BANP: variants seen among roughly 807,000 people sequenced by gnomAD.
BANP encodes BTG3 associated nuclear protein.
Under a neutral mutation model 68.1 loss-of-function variants are expected in BANP, and 11 were observed. The ratio of observed to expected loss-of-function variants is 0.16; its 90% CI spans 0.10 to 0.27. The LOEUF (loss-of-function observed/expected upper bound fraction) is 0.27, where lower values mean the gene tolerates loss of function less well. Ranked by LOEUF, BANP falls within the 10% of genes least tolerant of loss-of-function variation. BANP has a pLI of 1.00. For synonymous variants in BANP, 329 were observed against 303.2 expected (o/e 1.09, Z -0.88); for missense variants, 504 against 722.7 (o/e 0.70, Z 3.47).
At chr16:88,048,228 T>C (rs1203566794) in intron 11 of BANP, among the ~76,000 whole-genome samples, 8 of 152,258 alleles carry the variant, frequency 5.3e-5, no homozygotes, top group Non-Finnish European at 1.0e-4. Flanking sequence ...ATTAATTTGA[T>C]GTGATTGAAG....
chr16:87,995,620 G>T (rs2066976283), intron 4 of BANP, among the ~76,000 whole-genome samples: 1 of 152,236 alleles, frequency 6.6e-6, no homozygotes, highest in Non-Finnish European at 1.5e-5. Flanking sequence ...ATGCCTACCT[G>T]GCGGCAGAGT....
At chr16:88,042,871 T>C (rs9938277) in intron 11 of BANP, among the ~76,000 whole-genome samples, 72,211 of 152,136 alleles carry the variant, frequency 0.47, 20,197 homozygotes, top group Non-Finnish European at 0.65. Flanking sequence ...GAGCCGTGAT[T>C]GTGCCACTGC....
chr16:88,006,779 C>G (rs187696821), intron 6 of BANP, among the ~76,000 whole-genome samples: 1 of 151,016 alleles, frequency 6.6e-6, no homozygotes. Context: ...TGGTGAAACC[C>G]CATCTCTACT....
chr16:88,044,784 C>G (rs2081587803), intron 11 of BANP, among the ~76,000 whole-genome samples: 1 of 152,148 alleles, frequency 6.6e-6, no homozygotes, highest in African/African-American at 2.4e-5. Context: ...GAGATCGAGA[C>G]CATGCTGGCT....
At position 88,072,348 on chromosome 16, in the gene BANP, T is replaced by C. The variant is rs2090561984; in HGVS notation, c.1521+136T>C. The C allele has an allele frequency of 1.3e-5, 13 of 1,033,942 alleles. No homozygotes were observed. In the South Asian group the frequency reaches 2.2e-4, roughly 17 times the overall value. The allele number at this position is 1,033,942 out of a possible 1,614,324, so 64.0% of individuals were successfully genotyped here. On this transcript the variant is annotated intron_variant, in intron 13 of 13. Transcript: ENST00000682872. ...GCACGTGATTGGACACAGATGCCCA[T>C]CTGAGGGTTCTACGTCTCACACTCA... is the stretch of plus-strand genomic sequence containing the variant.
chr16:87,993,743 C>T (rs1042645060), intron 4 of BANP, among the ~76,000 whole-genome samples: 3 of 152,032 alleles, frequency 2.0e-5, no homozygotes, highest in Admixed American at 6.6e-5. Flanking sequence ...AATTACAGGC[C>T]GTGCCACCAC....
chr16:88,031,001 C>G lies in BANP; in HGVS notation c.1064-2108C>G, dbSNP rs8059440. ...CTGGTTTTGTAGGTGCTAAGAGGGT[C>G]AGTGGAGGAACAGCAGCTCCGCGGA... is the stretch of plus-strand genomic sequence containing the variant. On this transcript the variant is annotated intron_variant, in intron 8 of 13. Transcript: ENST00000682872. Among the ~76,000 whole-genome samples the G allele has an allele frequency of 6.9e-3, 1,054 of 152,332 alleles. 11 individuals are homozygous for G. Among genetic ancestry groups the G allele is most frequent in the African/African-American group, 0.024 (987 of 41,564 alleles).
chr16:88,010,421 A>G (rs2072714701), intron 6 of BANP, among the ~76,000 whole-genome samples: 1 of 152,238 alleles, frequency 6.6e-6, no homozygotes, highest in African/African-American at 2.4e-5. Flanking sequence ...AGGCAGTAGA[A>G]TGACTTACGT....
intron 11 of BANP, among the ~76,000 whole-genome samples, chr16:88,046,370 C>T (rs1338045179): frequency 6.6e-6 from 1 of 152,164 alleles, no homozygotes; most frequent in Non-Finnish European, 1.5e-5. Flanking sequence ...AACCTCATCG[C>T]TGTAAAGCAA....
chr16:88,021,749 TTA>T (rs2076069803), intron 7 of BANP, among the ~76,000 whole-genome samples: 1 of 152,208 alleles, frequency 6.6e-6, no homozygotes, highest in Admixed American at 6.5e-5. Flanking sequence ...TTGCCCCACC[TTA>T]CTCTCTGCTG....
rs1567772626 is a variant in BANP at position 88,019,593 on chromosome 16, TGCGGGATCTCAGCGTGC to T, written c.895+928_895+944del. Among the ~76,000 whole-genome samples the T allele has an allele frequency of 7.8e-3, 115 of 14,760 alleles. 1 individual carries two copies. The highest frequency in any genetic ancestry group is 9.6e-3 in the South Asian group (2 of 208). 9.7% of individuals were successfully genotyped at this position (14,760 alleles called of 152,430 possible). On this transcript the variant is annotated intron_variant, in intron 7 of 13. Transcript: ENST00000682872. ...GGGCGGGGCGTCCGGGATCTCGGCG[TGCGGGATCTCAGCGTGC>T]GGGGGGCGTCCGGGCGTGCGGGATC...
At chr16:88,045,900 C>T (rs1222055639) in intron 11 of BANP, among the ~76,000 whole-genome samples, 1 of 152,242 alleles carries the variant, frequency 6.6e-6, no homozygotes, top group Non-Finnish European at 1.5e-5. Context: ...GCCCTCTTCA[C>T]TGCAGTGGGG....
chr16:88,020,774 C>G (rs374961369), intron 7 of BANP, among the ~76,000 whole-genome samples: 1 of 152,306 alleles, frequency 6.6e-6, no homozygotes, highest in South Asian at 2.1e-4. Flanking sequence ...GGCCGGCTGG[C>G]TCTGCCTTGG....
chr16:87,967,120 C>T (rs11117322), intron 1 of BANP, among the ~76,000 whole-genome samples: 100,166 of 152,104 alleles, frequency 0.66, 33,577 homozygotes, highest in African/African-American at 0.75. Flanking sequence ...CCCGCACCCA[C>T]AGCTGTCGTG....
intron 1 of BANP, among the ~76,000 whole-genome samples, chr16:87,954,731 T>C (rs1380825817): frequency 1.3e-5 from 2 of 152,256 alleles, no homozygotes; most frequent in African/African-American, 2.4e-5. Context: ...GTGCTTTCCC[T>C]CTGCCCTGAT....
At chr16:88,075,768 A>T (rs1420998315) in intron 13 of BANP, among the ~76,000 whole-genome samples, 15 of 123,654 alleles carry the variant, frequency 1.2e-4, no homozygotes, top group Non-Finnish European at 1.3e-4. Context: ...TTTTTTTGAG[A>T]TGGAGTCTGG....
At chr16:88,051,737 T>C (rs2152827291) in intron 11 of BANP, among the ~76,000 whole-genome samples, 1 of 152,378 alleles carries the variant, frequency 6.6e-6, no homozygotes, top group South Asian at 2.1e-4. Flanking sequence ...TTATTAACTG[T>C]GTGCTTTGTT....
intron 2 of BANP, among the ~76,000 whole-genome samples, chr16:87,977,234 G>A (rs1216230998): frequency 1.2e-4 from 18 of 152,144 alleles, no homozygotes; most frequent in Non-Finnish European, 2.6e-4. Context: ...CAAACACGGT[G>A]AAGTCTCTAC....
intron 7 of BANP, among the ~76,000 whole-genome samples, chr16:88,019,817 TG>T (rs2075638229): frequency 6.6e-6 from 1 of 151,260 alleles, no homozygotes; most frequent in South Asian, 2.1e-4. Context: ...TCAGGAGCAG[TG>T]GGGGAGTGGA....
Sources: gnomAD v4.1 joint callset for allele counts (sites outside exome capture counted in the v4.1 genomes callset) on GRCh38, gnomAD v4.1.1 for gene constraint, MANE v1.5 for transcripts, NCBI Gene and HGNC (gene_info 2026-07-23, HGNC 2026-07-21) for gene names.